The following ZNF846 variants were observed in gnomAD, a reference collection of about 807,000 sequenced individuals.
The protein encoded by ZNF846 is zinc finger protein 846, also known as zinc finger protein 420 pseudogene.
A neutral mutation model predicts 16.0 loss-of-function variants in ZNF846; 15 were observed. That is an observed-to-expected ratio of 0.94 (90% CI 0.63 to 1.45). ZNF846 has a LOEUF of 1.45. ZNF846 is among the 40% of genes most tolerant of loss of function. The probability of loss-of-function intolerance (pLI) is 0.00; values close to 1 mark genes in which losing one functional copy is unlikely to be tolerated. For missense variants in ZNF846, 714 were observed against 622.3 expected, an observed-to-expected ratio of 1.15 and a Z score of -1.57; for synonymous variants, 229 against 212.0, an observed-to-expected ratio of 1.08 and a Z score of -0.70.
At chr19:9,771,174 T>C (rs943226212), upstream of ZNF846, among the ~76,000 whole-genome samples, 7 of 151,966 alleles carry the variant, frequency 4.6e-5, no homozygotes, top group Admixed American at 2.0e-4. Context: ...CTTTCTATCC[T>C]TTTTTGTTTT....
intron 1 of ZNF846, among the ~76,000 whole-genome samples, chr19:9,776,335 T>TAAA (rs111716607): frequency 7.4e-5 from 9 of 121,600 alleles, no homozygotes; most frequent in African/African-American, 3.4e-4. Flanking sequence ...GTCACACTCC[T>TAAA]AGTCCGCCTT....
chr19:9,778,895 C>T (rs2045473775), intron 1 of ZNF846, among the ~76,000 whole-genome samples: 1 of 150,752 alleles, frequency 6.6e-6, no homozygotes, highest in Non-Finnish European at 1.5e-5. Context: ...CCTCCCAACT[C>T]AGCCTCCCCA....
chr19:9,754,562 C>CT (rs1298630352), downstream of ZNF846, among the ~76,000 whole-genome samples: 6 of 54,104 alleles, frequency 1.1e-4, no homozygotes, highest in Non-Finnish European at 1.7e-4. Flanking sequence ...GAGACTCTGT[C>CT]TTAAAAAAAA....
chr19:9,784,926 C>A (rs555316403), intron 1 of ZNF846, among the ~76,000 whole-genome samples: 1 of 152,202 alleles, frequency 6.6e-6, no homozygotes, highest in South Asian at 2.1e-4. Context: ...TACAGATTAA[C>A]AGCATCTCAA....
downstream of ZNF846, among the ~76,000 whole-genome samples, chr19:9,749,809 C>T (rs2045070107): frequency 6.6e-6 from 1 of 152,092 alleles, no homozygotes; most frequent in African/African-American, 2.4e-5. Context: ...CTTTAATAGC[C>T]CTTGTCTTTA....
At chr19:9,749,306 C>T (rs1174336663), downstream of ZNF846, among the ~76,000 whole-genome samples, 10 of 152,134 alleles carry the variant, frequency 6.6e-5, no homozygotes, top group Admixed American at 5.9e-4. Flanking sequence ...ACTGTGCCCC[C>T]AAGACTTGTC....
chr19:9,771,133 C>G (rs1165380858), upstream of ZNF846, among the ~76,000 whole-genome samples: 1 of 151,972 alleles, frequency 6.6e-6, no homozygotes, highest in East Asian at 1.9e-4. Flanking sequence ...TTCTCCCACC[C>G]TTCCCCCAGA....
chr19:9,756,045 T>G (rs2145180153), downstream of ZNF846: 1 of 148,668 alleles, frequency 6.7e-6, no homozygotes, highest in Middle Eastern at 3.4e-3. Context: ...TTAACCATGT[T>G]GGCAGGCTGG....
downstream of ZNF846, among the ~76,000 whole-genome samples, chr19:9,757,312 C>A (rs370183909): frequency 2.6e-5 from 4 of 151,912 alleles, no homozygotes; most frequent in African/African-American, 9.7e-5. Context: ...TGAAGAATTA[C>A]TACTCTTGCC....
chr19:9,776,587 A>G (rs1447065599), intron 1 of ZNF846, among the ~76,000 whole-genome samples: 1 of 152,170 alleles, frequency 6.6e-6, no homozygotes, highest in African/African-American at 2.4e-5. Flanking sequence ...TTTGCTTTGT[A>G]TCCAGTAAAT....
intron 5 of ZNF846, among the ~76,000 whole-genome samples, chr19:9,759,151 C>G (rs1444838177): frequency 1.3e-5 from 2 of 151,874 alleles, no homozygotes; most frequent in Admixed American, 6.5e-5. Flanking sequence ...GCATGTGCCA[C>G]TATGCCCAGC....
intron 3 of ZNF846, 45 bp downstream of exon 3, chr19:9,763,237 A>T (rs2045259687): frequency 6.7e-7 from 1 of 1,499,348 alleles, no homozygotes; most frequent in Admixed American, 2.1e-5. Flanking sequence ...TTTAAGAAAC[A>T]TTGATTTCCT....
downstream of ZNF846, among the ~76,000 whole-genome samples, chr19:9,749,467 CA>C (rs1300236151): frequency 1.3e-5 from 2 of 152,060 alleles, no homozygotes; most frequent in East Asian, 3.8e-4. Flanking sequence ...TTCAAATAGC[CA>C]CCCTTAACTC....
intron 1 of ZNF846, among the ~76,000 whole-genome samples, chr19:9,765,939 T>A (rs774184252): frequency 1.3e-5 from 2 of 151,878 alleles, no homozygotes; most frequent in Admixed American, 6.6e-5. Flanking sequence ...AATATACATA[T>A]ATATATATAC....
chr19:9,784,752 A>C (rs897015140), intron 1 of ZNF846, among the ~76,000 whole-genome samples: 4 of 152,134 alleles, frequency 2.6e-5, no homozygotes, highest in African/African-American at 7.2e-5. Context: ...TCCACAGTGC[A>C]CTGTGTCCCT....
At chr19:9,751,530 A>G (rs1300291387), downstream of ZNF846, among the ~76,000 whole-genome samples, 1 of 152,114 alleles carries the variant, frequency 6.6e-6, no homozygotes, top group East Asian at 1.9e-4. Flanking sequence ...ACATTGTAAC[A>G]TTCCTCCCCA....
downstream of ZNF846, chr19:9,755,748 C>T (rs1376631959): frequency 1.7e-4 from 19 of 111,554 alleles, no homozygotes; most frequent in Admixed American, 2.0e-3. Context: ...TGCAGTGAGC[C>T]GAGATCCCGC....
rs771887378 is a variant in ZNF846, at chr19:9,757,855, T to C, written c.1222A>G (p.Met408Val). ...TGAATCCTTACATGTTGACTAAGCA[T>C]TGAGGAATTATTAAAGGCTTTCCCA... is the stretch of plus-strand genomic sequence containing the variant. Residue 408 changes from methionine (M) to valine (V), a missense_variant, in exon 6 of 6, where the codon ATG becomes GTG. Transcript: ENST00000397902. 11 of 1,612,198 alleles carry C rather than the reference T, an allele frequency of 6.8e-6. 1 individual carries two copies. Among genetic ancestry groups the C allele is most frequent in the Admixed American group, 3.3e-5 (2 of 59,878 alleles).
At chr19:9,758,841 A>G (rs2045177657) in intron 5 of ZNF846, 77 bp from the exon 6 acceptor site, 13 of 1,108,566 alleles carry the variant, frequency 1.2e-5, no homozygotes, top group East Asian at 4.8e-5. Flanking sequence ...ATCACAACAT[A>G]TATGCATTGG....
Sources: allele counts gnomAD v4.1 joint callset (sites outside exome capture counted in the v4.1 genomes callset), GRCh38; gene constraint gnomAD v4.1.1; transcripts MANE v1.5; gene names NCBI Gene and HGNC (gene_info 2026-07-23, HGNC 2026-07-21).